The following DAB1 variants were observed in gnomAD, a reference collection of about 807,000 sequenced individuals.
DAB1 encodes the protein DAB adaptor protein 1.
In DAB1, 15 loss-of-function variants were observed where a neutral mutation model predicts 64.6. That is an observed-to-expected ratio of 0.23 (90% CI 0.16 to 0.36). The LOEUF is 0.36. Ranked by LOEUF, DAB1 falls within the 10% of genes least tolerant of loss-of-function variation. DAB1 has a pLI of 1.00. For synonymous variants in DAB1, 235 were observed against 251.9 expected (o/e 0.93, Z 0.64); for missense variants, 596 against 706.7 (o/e 0.84, Z 1.78).
chr1:58,146,836 T>A (rs1259409746), intron 5 of DAB1, among the ~76,000 whole-genome samples: 2 of 152,156 alleles, frequency 1.3e-5, no homozygotes, highest in Non-Finnish European at 2.9e-5. Context: ...CATCCATCCA[T>A]CCATCAATGG....
chr1:57,497,342 C>T (rs1644242746), intron 7 of DAB1, among the ~76,000 whole-genome samples: 1 of 152,164 alleles, frequency 6.6e-6, no homozygotes, highest in African/African-American at 2.4e-5. Flanking sequence ...TTGTTCATTG[C>T]TGTATTACCA....
intron 5 of DAB1, among the ~76,000 whole-genome samples, chr1:57,931,519 T>C (rs1259464254): frequency 6.6e-6 from 1 of 152,208 alleles, no homozygotes. Context: ...GTTGATTCAA[T>C]TTCTTTAACA....
chr1:58,274,762 C>G (rs376518312), intron 4 of DAB1, among the ~76,000 whole-genome samples: 1 of 151,972 alleles, frequency 6.6e-6, no homozygotes, highest in Non-Finnish European at 1.5e-5. Context: ...GGGAGTGACC[C>G]GATTTTCCAG....
intron 4 of DAB1, among the ~76,000 whole-genome samples, chr1:57,105,334 C>T (rs1183820237): frequency 6.6e-6 from 1 of 151,916 alleles, no homozygotes. Context: ...AAAAGCAAAC[C>T]TCAAAGAGCC....
intron 4 of DAB1, among the ~76,000 whole-genome samples, chr1:58,258,008 G>A (rs1178358354): frequency 1.3e-5 from 2 of 152,146 alleles, no homozygotes; most frequent in African/African-American, 4.8e-5. Context: ...TTTTAAATTT[G>A]TACTGTTACC....
At chr1:58,483,397 G>A (rs541333163) in intron 3 of DAB1, among the ~76,000 whole-genome samples, 9 of 152,280 alleles carry the variant, frequency 5.9e-5, no homozygotes, top group South Asian at 4.1e-4. Context: ...CCAGATAGAC[G>A]TTCTCTAAGT....
At chr1:58,140,362 G>T (rs1420795880) in intron 5 of DAB1, among the ~76,000 whole-genome samples, 1 of 152,142 alleles carries the variant, frequency 6.6e-6, no homozygotes, top group African/African-American at 2.4e-5. Flanking sequence ...GTATCCATCT[G>T]CTTGGCAAGT....
chr1:57,769,475 T>C (rs1267289611), intron 6 of DAB1, among the ~76,000 whole-genome samples: 1 of 152,092 alleles, frequency 6.6e-6, no homozygotes, highest in Non-Finnish European at 1.5e-5. Flanking sequence ...TAATCAAACA[T>C]GTAGGAAGCT....
At chr1:58,386,705 A>T (rs554448190) in intron 3 of DAB1, among the ~76,000 whole-genome samples, 66 of 152,304 alleles carry the variant, frequency 4.3e-4, no homozygotes, top group African/African-American at 1.5e-3. Flanking sequence ...CTCCTGGGAG[A>T]TCCATACCCT....
At chr1:57,801,974 T>C (rs1355726874) in intron 6 of DAB1, among the ~76,000 whole-genome samples, 1 of 152,190 alleles carries the variant, frequency 6.6e-6, no homozygotes, top group Non-Finnish European at 1.5e-5. Flanking sequence ...TATAAGAGTA[T>C]TTCACACCAG....
At chr1:57,227,551 G>GTT (rs1667366320) in intron 2 of DAB1, among the ~76,000 whole-genome samples, 1 of 148,858 alleles carries the variant, frequency 6.7e-6, no homozygotes. Flanking sequence ...GTGTGTGTGT[G>GTT]TGTGTGTGTG....
intron 5 of DAB1, among the ~76,000 whole-genome samples, chr1:57,990,704 A>G (rs1646321996): frequency 6.6e-6 from 1 of 152,108 alleles, no homozygotes; most frequent in East Asian, 1.9e-4. Context: ...AGTGGGCAAT[A>G]TGGGGAATCT....
chr1:57,934,039 G>A (rs1286450385), intron 5 of DAB1, among the ~76,000 whole-genome samples: 1 of 149,974 alleles, frequency 6.7e-6, no homozygotes, highest in Non-Finnish European at 1.5e-5. Flanking sequence ...GGGATTATAG[G>A]CGTCCGCCAC....
intron 5 of DAB1, among the ~76,000 whole-genome samples, chr1:57,899,100 A>T (rs1341788860): frequency 6.6e-6 from 1 of 152,094 alleles, no homozygotes; most frequent in Non-Finnish European, 1.5e-5. Flanking sequence ...TTTCATATGT[A>T]GAAAATTCAA....
In DAB1 at chr1:57,452,427, AT is replaced by A. The variant is rs577130838; in HGVS notation, n.626-161262del. Among the ~76,000 whole-genome samples, 31 of 152,104 alleles carry A rather than the reference AT, an allele frequency of 2.0e-4. No homozygotes were observed. The South Asian group carries it at 2.1e-3, about 10-fold the overall frequency. On this transcript the variant is annotated intron_variant and non_coding_transcript_variant, in intron 7 of 20. Coordinates refer to the DAB1 transcript ENST00000485760. ...TGGTTAAAAGCAGCATGACCAGGAC[AT>A]TTTTTTCCAGGACAGACAAGTTATC...
chr1:57,749,859 AGTT>A (rs1322287935), intron 6 of DAB1, among the ~76,000 whole-genome samples: 1 of 152,226 alleles, frequency 6.6e-6, no homozygotes, highest in Non-Finnish European at 1.5e-5. Flanking sequence ...CATTCTGCTC[AGTT>A]GACCAGCAGA....
chr1:58,175,663 T>G (rs1010666095), intron 4 of DAB1, among the ~76,000 whole-genome samples: 2 of 152,210 alleles, frequency 1.3e-5, no homozygotes, highest in African/African-American at 2.4e-5. Context: ...TTGTTTGTCT[T>G]GTGCTAGGTT....
intron 6 of DAB1, among the ~76,000 whole-genome samples, chr1:57,683,280 G>A (rs1035486640): frequency 3.3e-5 from 5 of 152,074 alleles, no homozygotes; most frequent in South Asian, 2.1e-4. Context: ...TCCTCTGCCC[G>A]AGCGAGCCCC....
chr1:57,772,595 T>G (rs1374002437), intron 6 of DAB1, among the ~76,000 whole-genome samples: 1 of 152,152 alleles, frequency 6.6e-6, no homozygotes, highest in Non-Finnish European at 1.5e-5. Context: ...TATAAGAAAT[T>G]GGCTGATATC....
Sources: gnomAD v4.1 joint callset for allele counts (sites outside exome capture counted in the v4.1 genomes callset) on GRCh38, gnomAD v4.1.1 for gene constraint, MANE v1.5 for transcripts, NCBI Gene and HGNC (gene_info 2026-07-23, HGNC 2026-07-21) for gene names.